Variants in CEP250 observed in about 807,000 individuals in gnomAD.
CEP250 encodes the protein centrosome-associated protein CEP250.
CEP250 carries 242 observed loss-of-function variants against 315.7 expected under a neutral mutation model. That is an observed-to-expected ratio of 0.77 (90% CI 0.69 to 0.85). The LOEUF (loss-of-function observed/expected upper bound fraction) is 0.85, where lower values mean the gene tolerates loss of function less well. CEP250 is among the 40% of genes least tolerant of loss of function. The pLI, the probability that CEP250 is intolerant of heterozygous loss-of-function variation, is 0.00. For missense variants in CEP250, 2,515 were observed against 2,886.4 expected (o/e 0.87, Z 2.95); for synonymous variants, 1,088 against 1,175.0 (o/e 0.93, Z 1.51).
intron 26 of CEP250, 67 bp from the exon 27 acceptor site, chr20:35,498,528 C>T (rs2063910652): frequency 6.3e-7 from 1 of 1,578,276 alleles, no homozygotes; most frequent in Admixed American, 2.0e-5. Flanking sequence ...AGGGCTGTGT[C>T]TGGAGAGGTC....
rs1568853586 is a variant in CEP250, at chr20:35,512,364, G to A, written c.*738G>A. ...AGGGGGTTGGGGCTGAGCTTGGGTG[G>A]GTTGAGCGGGGAGATTTTGGAGGGT... On this transcript the variant is annotated 3_prime_UTR_variant, in exon 35 of 35. Transcript: ENST00000397527. The A allele has an allele frequency of 6.6e-6, 1 of 152,212 alleles. No homozygotes were observed. 9.4% of individuals were successfully genotyped at this position (152,212 alleles called of 1,614,324 possible).
chr20:35,507,962 T>G lies in CEP250; in HGVS notation c.6751-73T>G, dbSNP rs148908393. ...CTGAAGCTTAAACCTGCCAGATTGG[T>G]CTGTGTGTCCTCTGTCTGTTCCCTA... On this transcript the variant is annotated intron_variant, in intron 31 of 34. Coordinates refer to ENST00000397527, the MANE Select transcript of CEP250 (RefSeq NM_007186.6). 4.9e-4 allele frequency: 791 copies of G among 1,604,160 alleles called. 6 individuals carry two copies. The highest frequency in any genetic ancestry group is 7.1e-5 in the Non-Finnish European group (83 of 1,173,026).
chr20:35,468,625 TA>T (rs2062949777), intron 9 of CEP250, among the ~76,000 whole-genome samples: 1 of 152,198 alleles, frequency 6.6e-6, no homozygotes, highest in Non-Finnish European at 1.5e-5. Context: ...CGTAAGTTTT[TA>T]TTTCTAGTAC....
chr20:35,478,353 T>G (rs2063233448), intron 17 of CEP250, among the ~76,000 whole-genome samples: 1 of 151,894 alleles, frequency 6.6e-6, no homozygotes, highest in Non-Finnish European at 1.5e-5. Context: ...GATCACGAGG[T>G]CAGAGGTTCG....
In CEP250 at chr20:35,467,475, G is replaced by A; in HGVS notation, c.771G>A (p.Glu257=). 1.2e-6 allele frequency: 2 copies of A among 1,614,186 alleles called. No homozygotes were observed. Among genetic ancestry groups the A allele is most frequent in the Non-Finnish European group, 1.7e-6 (2 of 1,180,018 alleles). The change falls in exon 9 of 35, where the codon GAG becomes GAA. Residue 257 remains glutamate (E), a synonymous_variant. Coordinates refer to ENST00000397527, the MANE Select transcript of CEP250 (RefSeq NM_007186.6). ...LLLLAKTQEL[E]KEAHERSQEL... is the part of the protein sequence containing the mutation. Reference sequence around the variant, plus strand: ...TACTAGCCAAGACCCAGGAGCTGGAGAAGGAAGCCCATGAAAGGAGCCAGG... The same window carrying A: ...TACTAGCCAAGACCCAGGAGCTGGAAAAGGAAGCCCATGAAAGGAGCCAGG...
chr20:35,472,615 C>T (rs1432679082), intron 11 of CEP250, 58 bp from the exon 12 acceptor site: 2 of 1,573,282 alleles, frequency 1.3e-6, no homozygotes, highest in East Asian at 2.2e-5. Context: ...GGTTAAGTCC[C>T]TCTATAGACT....
At position 35,514,571 on chromosome 20, in the gene CEP250, CA is replaced by C. The variant is rs1473500439; in HGVS notation, c.*2947del. ...TGTTAGAGCAGTGACCATCACCTCC[CA>C]ACCCAAGGACCTTTGCTGCTCTGCT... On this transcript the variant is annotated 3_prime_UTR_variant, in exon 35 of 35. Transcript: ENST00000397527. 6.6e-6 allele frequency: 1 copy of C among 152,332 alleles called. No individual in the cohort carries two copies. The highest frequency in any genetic ancestry group is 1.9e-4 in the East Asian group (1 of 5,192). The allele number at this position is 152,332 out of a possible 1,614,324, so 9.4% of individuals were successfully genotyped here.
intron 20 of CEP250, among the ~76,000 whole-genome samples, chr20:35,488,515 G>A (rs1393716466): frequency 2.6e-5 from 4 of 151,774 alleles, no homozygotes; most frequent in Admixed American, 6.6e-5. Context: ...GTGCAGTGGC[G>A]TGATCAGGGC....
chr20:35,494,691 C>CT (rs2063789001), intron 24 of CEP250, 34 bp downstream of exon 24: 4 of 1,611,296 alleles, frequency 2.5e-6, no homozygotes, highest in Non-Finnish European at 3.4e-6. Context: ...TGGCTTTTGT[C>CT]TATCTGGCTG....
rs2064391003 is a variant in CEP250 at position 35,513,015 on chromosome 20, T to C, written c.*1389T>C. On this transcript the variant is annotated 3_prime_UTR_variant, in exon 35 of 35. Transcript: ENST00000397527. ...CACCCACTCACCCAGACCTCCTAAT[T>C]TGGGGCTCAGCCCCATTATGTCTCA... The C allele has an allele frequency of 6.6e-6, 1 of 152,228 alleles. No individual in the cohort carries two copies. The highest frequency in any genetic ancestry group is 2.4e-5 in the African/African-American group (1 of 41,440). The allele number at this position is 152,228 out of a possible 1,614,324, so 9.4% of individuals were successfully genotyped here. A position where few individuals can be genotyped will look rare whatever the true frequency, so the allele number is the denominator to read the frequency against.
Position 35,490,809 on chromosome 20 carries a change from G to A in CEP250, c.2754+5G>A, listed in dbSNP as rs1487958518. Reference sequence around the variant, plus strand: ...GCAGAGAGTGCCCTATGCCAGGTGGGAAGCTAGGAGGATTGGAGCTGCACG... The same window carrying A: ...GCAGAGAGTGCCCTATGCCAGGTGGAAAGCTAGGAGGATTGGAGCTGCACG... On this transcript the variant is annotated splice_donor_5th_base_variant and intron_variant, in intron 21 of 34. Coordinates refer to ENST00000397527, the MANE Select transcript of CEP250 (RefSeq NM_007186.6). The A allele has an allele frequency of 1.2e-6, 2 of 1,611,522 alleles. No individual in the cohort carries two copies. The highest frequency in any genetic ancestry group is 1.3e-5 in the African/African-American group (1 of 74,832).
chr20:35,500,236 C>T, intron 28 of CEP250, 67 bp downstream of exon 28: 3 of 1,582,498 alleles, frequency 1.9e-6, no homozygotes, highest in South Asian at 2.2e-5. Context: ...CCAGAAGTGG[C>T]AGGCACAGGC....
At position 35,503,558 on chromosome 20, in the gene CEP250, T is replaced by C; in HGVS notation, c.5189T>C (p.Ile1730Thr). Residue 1730 changes from isoleucine (I) to threonine (T), a missense_variant, in exon 30 of 35, where the codon ATC becomes ACC. Physicochemically the swap from Ile to Thr is moderately conservative, Grantham distance 89. Coordinates refer to ENST00000397527, the MANE Select transcript of CEP250 (RefSeq NM_007186.6). The surrounding 1 kb of genome is among the most constrained non-coding windows in gnomAD (Gnocchi z 4.2). ...QRGSLEHMKL[I>T]LRDKEKEVEC... ...GGGAGCCTAGAGCACATGAAGCTGA[T>C]CCTGCGTGATAAGGAGAAGGAGGTG... 1 of 1,613,988 alleles carries C rather than the reference T, an allele frequency of 6.2e-7. No individual in the cohort carries two copies. The highest frequency in any genetic ancestry group is 8.5e-7 in the Non-Finnish European group (1 of 1,179,996).
chr20:35,489,314 C>T (rs1484521686), intron 20 of CEP250, among the ~76,000 whole-genome samples: 1 of 152,060 alleles, frequency 6.6e-6, no homozygotes, highest in Non-Finnish European at 1.5e-5. Context: ...ACACTAGAGG[C>T]GTTCCCATTA....
In CEP250 at chr20:35,472,748, T is replaced by C; in HGVS notation, c.1126T>C (p.Phe376Leu). ...CTCTTTGGAATTGGACTCTAGTATC[T>C]TCTCCCAGTTTGATTACCAGGATGC... is the stretch of plus-strand genomic sequence containing the variant. ...ENSLELDSSI[F>L]SQFDYQDADK... is the part of the protein sequence containing the mutation. Residue 376 changes from phenylalanine to leucine, a missense_variant, in exon 12 of 35, where the codon TTC (phenylalanine) becomes CTC (leucine). By Grantham distance (22) the Phe-to-Leu change is conservative (BLOSUM62 0). Transcript: ENST00000397527. 6.2e-7 allele frequency: 1 copy of C among 1,614,134 alleles called. No individual in the cohort carries two copies. The highest frequency in any genetic ancestry group is 1.3e-5 in the African/African-American group (1 of 75,052).
At chr20:35,507,415 G>A (rs1394107272) in intron 30 of CEP250, among the ~76,000 whole-genome samples, 6 of 152,186 alleles carry the variant, frequency 3.9e-5, no homozygotes, top group Non-Finnish European at 1.5e-5. Flanking sequence ...ACCCAGCCCT[G>A]TGTGACTCGA....
chr20:35,483,056 C>CA (rs573432754), intron 20 of CEP250, among the ~76,000 whole-genome samples: 443 of 151,886 alleles, frequency 2.9e-3, no homozygotes, highest in African/African-American at 9.9e-3. Flanking sequence ...TGCAGTGGCT[C>CA]ATGCCTGTAA....
At chr20:35,466,659 G>A (rs2062884897) in intron 7 of CEP250, among the ~76,000 whole-genome samples, 1 of 152,162 alleles carries the variant, frequency 6.6e-6, no homozygotes, top group Admixed American at 6.5e-5. Context: ...AGTGGTTTAT[G>A]TATATCATTG....
intron 14 of CEP250, 98 bp from the exon 15 acceptor site, chr20:35,475,404 C>T (rs1601167200): frequency 2.4e-6 from 3 of 1,264,526 alleles, no homozygotes; most frequent in East Asian, 2.3e-5. Flanking sequence ...AGACCATCCT[C>T]ATTCTGTTGC....
Sources: allele counts gnomAD v4.1 joint callset (sites outside exome capture counted in the v4.1 genomes callset), GRCh38; gene constraint gnomAD v4.1.1; non-coding constraint Gnocchi (gnomAD v3.1); transcripts MANE v1.5; gene names NCBI Gene and HGNC (gene_info 2026-07-23, HGNC 2026-07-21).